UROS: variants seen among roughly 807,000 people sequenced by gnomAD.
UROS encodes uroporphyrinogen-III synthase.
Under a neutral mutation model 33.0 loss-of-function variants are expected in UROS, and 18 were observed. The ratio of observed to expected loss-of-function variants is 0.55; its 90% CI spans 0.38 to 0.81. The LOEUF (loss-of-function observed/expected upper bound fraction) is 0.81. Among genes scored for constraint, UROS ranks in the 30% least tolerant of loss-of-function variants. The pLI is 0.00. For missense variants in UROS, 293 were observed against 314.9 expected (o/e 0.93, Z 0.53); for synonymous variants, 114 against 121.1 (o/e 0.94, Z 0.38).
At chr10:125,819,974 A>G (rs565885724) in intron 1 of UROS, among the ~76,000 whole-genome samples, 1 of 152,208 alleles carries the variant, frequency 6.6e-6, no homozygotes, top group East Asian at 1.9e-4. Context: ...ATGAAAAAGA[A>G]AAGAAAAAAA....
intron 1 of UROS, among the ~76,000 whole-genome samples, chr10:125,821,966 G>T (rs1853953405): frequency 6.6e-6 from 1 of 152,132 alleles, no homozygotes; most frequent in African/African-American, 2.4e-5. Context: ...TGGGCTCCTG[G>T]GGACCTTTAG....
chr10:125,788,432 G>A (rs1169620061), downstream of UROS: 3 of 569,618 alleles, frequency 5.3e-6, no homozygotes, highest in Non-Finnish European at 6.7e-6. Flanking sequence ...GGAACTTCAC[G>A]GTCCTTTTTA....
Position 125,788,625 on chromosome 10 carries a change from T to C in UROS, c.*243A>G. The C allele has an allele frequency of 1.4e-6, 2 of 1,407,030 alleles. No homozygotes were observed. The highest frequency in any genetic ancestry group is 1.8e-6 in the Non-Finnish European group (2 of 1,083,736). 87.2% of individuals were successfully genotyped at this position (1,407,030 alleles called of 1,614,324 possible). On this transcript the variant is annotated 3_prime_UTR_variant, in exon 10 of 10. Coordinates refer to ENST00000368797, the MANE Select transcript of UROS (RefSeq NM_000375.3). ...GTGGTTTATTTGACTTCCTTCCTGC[T>C]GGGCACAGGAAGCTCTCACAGGGCT...
At chr10:125,789,357 C>T in intron 9 of UROS, 1 of 1,219,434 alleles carries the variant, frequency 8.2e-7, no homozygotes. Context: ...TGTTGGGGGC[C>T]CTGGGTCTGA....
chr10:125,813,825 G>C (rs905416651), intron 4 of UROS, among the ~76,000 whole-genome samples: 1 of 152,220 alleles, frequency 6.6e-6, no homozygotes, highest in Non-Finnish European at 1.5e-5. Context: ...AACAAGAGGT[G>C]AATGTGTGTA....
Position 125,788,859 on chromosome 10 carries a change from G to A in UROS, c.*9C>T, listed in dbSNP as rs538836905. 6.3e-7 allele frequency: 1 copy of A among 1,579,906 alleles called. No individual in the cohort carries two copies. The highest frequency in any genetic ancestry group is 1.2e-5 in the South Asian group (1 of 86,518). On this transcript the variant is annotated 3_prime_UTR_variant, in exon 10 of 10. Coordinates refer to ENST00000368797, the MANE Select transcript of UROS (RefSeq NM_000375.3). ...GGAGGCTGCATGGGGCCAGCGCTAGGTGGCTGACTCAGCAGCAGCCATGGG... is the reference window on the plus strand; with the variant it reads ...GGAGGCTGCATGGGGCCAGCGCTAGATGGCTGACTCAGCAGCAGCCATGGG...
downstream of UROS, among the ~76,000 whole-genome samples, chr10:125,787,720 A>T (rs932380751): frequency 2.0e-5 from 3 of 152,164 alleles, no homozygotes; most frequent in African/African-American, 7.2e-5. Flanking sequence ...ATCTTGACAC[A>T]AGTGGTCACT....
In UROS at chr10:125,812,177, C is replaced by A. The variant is rs772142394; in HGVS notation, c.319+37G>T. On this transcript the variant is annotated intron_variant, in intron 5 of 9. Coordinates refer to ENST00000368797, the MANE Select transcript of UROS (RefSeq NM_000375.3). ...TTTTTTAAAACTGAAAAGGCTAAGCCATTTTTTGTTGTTTTATTTTTACCT... is the reference window on the plus strand; with the variant it reads ...TTTTTTAAAACTGAAAAGGCTAAGCAATTTTTTGTTGTTTTATTTTTACCT... 2.5e-6 allele frequency: 4 copies of A among 1,584,988 alleles called. No homozygotes were observed. In the South Asian group the frequency reaches 4.4e-5, roughly 18 times the overall value.
chr10:125,805,255 C>CA (rs1852222855), intron 6 of UROS, among the ~76,000 whole-genome samples: 1 of 152,224 alleles, frequency 6.6e-6, no homozygotes, highest in African/African-American at 2.4e-5. Flanking sequence ...GATTCAAACA[C>CA]AGAGTCAAGC....
chr10:125,811,767 A>C (rs1424696558), intron 5 of UROS, among the ~76,000 whole-genome samples: 4 of 151,376 alleles, frequency 2.6e-5, no homozygotes, highest in Non-Finnish European at 1.5e-5. Flanking sequence ...GAATAAATAG[A>C]CTCAAGACTG....
At chr10:125,800,338 G>A (rs887776795) in intron 6 of UROS, among the ~76,000 whole-genome samples, 2 of 152,186 alleles carry the variant, frequency 1.3e-5, no homozygotes, top group African/African-American at 4.8e-5. Context: ...TCCGAATAAT[G>A]CCTTTTAACC....
At chr10:125,822,442 C>T (rs563153497) in intron 1 of UROS, among the ~76,000 whole-genome samples, 1 of 152,066 alleles carries the variant, frequency 6.6e-6, no homozygotes, top group Non-Finnish European at 1.5e-5. Context: ...CCTGCCTTAG[C>T]CTCCTGAGTA....
At chr10:125,790,563 C>G (rs1455675425) in intron 9 of UROS, among the ~76,000 whole-genome samples, 2 of 152,104 alleles carry the variant, frequency 1.3e-5, no homozygotes, top group African/African-American at 4.8e-5. Context: ...AATCCCAGTA[C>G]TTTGGGAGGC....
At chr10:125,804,839 T>C (rs1463476759) in intron 6 of UROS, among the ~76,000 whole-genome samples, 1 of 152,230 alleles carries the variant, frequency 6.6e-6, no homozygotes, top group Non-Finnish European at 1.5e-5. Context: ...TCACGGTTAC[T>C]GATGTATATG....
chr10:125,787,561 TG>T (rs1850671263), downstream of UROS, among the ~76,000 whole-genome samples: 1 of 152,120 alleles, frequency 6.6e-6, no homozygotes, highest in African/African-American at 2.4e-5. Flanking sequence ...GGGGACTCTC[TG>T]GGGGTGGGGC....
At position 125,810,325 on chromosome 10, in the gene UROS, C is replaced by T. The variant is rs753289918; in HGVS notation, c.319+1889G>A. The stretch of plus-strand genomic sequence containing the variant: ...TTTTGCTCTCTCTTGGATTGCCTTG[C>T]GACAGGGGACGCCAGCTGCCATGTC... On this transcript the variant is annotated intron_variant, in intron 5 of 9. Transcript: ENST00000368797. Among the ~76,000 whole-genome samples the T allele has an allele frequency of 9.9e-5, 15 of 152,250 alleles. No individual in the cohort carries two copies. In the East Asian group the frequency reaches 1.3e-3, roughly 14 times the overall value.
chr10:125,812,454 T>C (rs769526174), intron 4 of UROS, among the ~76,000 whole-genome samples, 166 bp from the exon 5 acceptor site: 4 of 152,250 alleles, frequency 2.6e-5, no homozygotes, highest in Admixed American at 6.5e-5. Context: ...ACTTTGTTCA[T>C]GTTTTATAGG....
At chr10:125,810,513 G>A (rs1212673465) in intron 5 of UROS, among the ~76,000 whole-genome samples, 1 of 152,206 alleles carries the variant, frequency 6.6e-6, no homozygotes, top group Admixed American at 6.5e-5. Flanking sequence ...TGGTTACAGA[G>A]AAGCCCACTA....
chr10:125,815,248 C>G, intron 3 of UROS, 118 bp from the exon 4 acceptor site: 2 of 1,094,842 alleles, frequency 1.8e-6, no homozygotes, highest in Non-Finnish European at 2.7e-6. Flanking sequence ...CTAATTCCTT[C>G]CACCCATCCC....
Sources: gnomAD v4.1 joint callset for allele counts (sites outside exome capture counted in the v4.1 genomes callset) on GRCh38, gnomAD v4.1.1 for gene constraint, MANE v1.5 for transcripts, NCBI Gene and HGNC (gene_info 2026-07-23, HGNC 2026-07-21) for gene names.